ELMO1: variants seen among roughly 807,000 people sequenced by gnomAD.
The protein encoded by ELMO1 is engulfment and cell motility protein 1.
ELMO1 carries 26 observed loss-of-function variants against 98.9 expected under a neutral mutation model. That is an observed-to-expected ratio of 0.26 (90% CI 0.19 to 0.36). The LOEUF (loss-of-function observed/expected upper bound fraction) is 0.36. Among genes scored for constraint, ELMO1 ranks in the 10% least tolerant of loss-of-function variants. The pLI is 1.00. For synonymous variants in ELMO1, 346 were observed against 346.0 expected (o/e 1.00, Z 0.00); for missense variants, 627 against 935.2 (o/e 0.67, Z 4.30).
chr7:37,402,454 T>G (rs891788276), intron 1 of ELMO1, among the ~76,000 whole-genome samples: 1 of 152,152 alleles, frequency 6.6e-6, no homozygotes, highest in Non-Finnish European at 1.5e-5. Context: ...AATGGAAGGA[T>G]AGCTCTTGGT....
intron 7 of ELMO1, among the ~76,000 whole-genome samples, chr7:37,235,940 C>G (rs1794438243): frequency 6.6e-6 from 1 of 152,096 alleles, no homozygotes; most frequent in Non-Finnish European, 1.5e-5. Context: ...AACAAATAAA[C>G]CAATAAACAA....
At chr7:37,039,170 G>A (rs972566758) in intron 15 of ELMO1, among the ~76,000 whole-genome samples, 1 of 152,180 alleles carries the variant, frequency 6.6e-6, no homozygotes, top group Non-Finnish European at 1.5e-5. Context: ...CAACCACATG[G>A]ATGCAAACAG....
chr7:37,431,507 A>C (rs1804932214), intron 1 of ELMO1, among the ~76,000 whole-genome samples: 1 of 152,198 alleles, frequency 6.6e-6, no homozygotes, highest in African/African-American at 2.4e-5. Context: ...CAAAAGTCTA[A>C]TATGAATCAT....
intron 14 of ELMO1, among the ~76,000 whole-genome samples, chr7:37,110,089 C>T (rs1423797862): frequency 6.6e-6 from 1 of 152,232 alleles, no homozygotes; most frequent in East Asian, 1.9e-4. Context: ...AGGCTGGCTG[C>T]TCTTGGTTCC....
intron 2 of ELMO1, among the ~76,000 whole-genome samples, chr7:37,325,453 C>A (rs1442190342): frequency 6.6e-6 from 1 of 152,142 alleles, no homozygotes; most frequent in Admixed American, 6.5e-5. Flanking sequence ...AGGGGAGCAG[C>A]TAAAGACGGA....
chr7:36,931,839 A>C (rs1453618509), intron 16 of ELMO1, among the ~76,000 whole-genome samples: 1 of 152,254 alleles, frequency 6.6e-6, no homozygotes, highest in Admixed American at 6.5e-5. Context: ...GGTATTCCCT[A>C]GCTACAGACT....
chr7:36,965,550 T>C (rs1194025129), intron 16 of ELMO1, among the ~76,000 whole-genome samples: 1 of 152,190 alleles, frequency 6.6e-6, no homozygotes, highest in Non-Finnish European at 1.5e-5. Context: ...GGGTTTTATA[T>C]GTAGGGTTCT....
At chr7:37,126,245 A>G (rs1786506137) in intron 14 of ELMO1, among the ~76,000 whole-genome samples, 1 of 150,566 alleles carries the variant, frequency 6.6e-6, no homozygotes. Flanking sequence ...ATGTATACAT[A>G]TGTAACAAAC....
At chr7:37,387,451 C>T (rs184797427) in intron 1 of ELMO1, among the ~76,000 whole-genome samples, 2 of 152,290 alleles carry the variant, frequency 1.3e-5, no homozygotes, top group African/African-American at 4.8e-5. Context: ...TCTAAATGTC[C>T]CCTTTTTATA....
chr7:37,024,628 G>A (rs185484295), intron 15 of ELMO1, among the ~76,000 whole-genome samples: 1 of 152,232 alleles, frequency 6.6e-6, no homozygotes, highest in East Asian at 1.9e-4. Flanking sequence ...TCCCAACCAA[G>A]TCTGTTCATG....
chr7:37,417,555 T>A (rs1291683632), intron 1 of ELMO1, among the ~76,000 whole-genome samples: 2 of 152,004 alleles, frequency 1.3e-5, no homozygotes, highest in African/African-American at 4.8e-5. Context: ...TCCCAGCTAC[T>A]CGGGAGGCTG....
At chr7:36,965,382 T>C (rs1789330612) in intron 16 of ELMO1, among the ~76,000 whole-genome samples, 1 of 152,150 alleles carries the variant, frequency 6.6e-6, no homozygotes, top group Non-Finnish European at 1.5e-5. Flanking sequence ...TAAAGGCACT[T>C]TTCCCCTAGG....
intron 18 of ELMO1, 137 bp downstream of exon 18, chr7:36,887,423 C>T (rs577783028): frequency 7.3e-5 from 49 of 667,090 alleles, no homozygotes; most frequent in Middle Eastern, 4.3e-4. Flanking sequence ...GAACCAGAAA[C>T]GACCTGGACT....
intron 5 of ELMO1, among the ~76,000 whole-genome samples, chr7:37,264,029 A>G (rs756140692): frequency 5.3e-5 from 8 of 152,230 alleles, no homozygotes; most frequent in Non-Finnish European, 5.9e-5. Context: ...TAGTCATAGG[A>G]TGAAATATCA....
At chr7:37,190,960 G>C (rs71539821) in intron 13 of ELMO1, among the ~76,000 whole-genome samples, 1 of 151,476 alleles carries the variant, frequency 6.6e-6, no homozygotes, top group African/African-American at 2.4e-5. Context: ...AGGCAGAGGC[G>C]GGTGGATCAT....
intron 1 of ELMO1, among the ~76,000 whole-genome samples, chr7:37,400,176 C>T (rs757518742): frequency 3.3e-4 from 50 of 152,114 alleles, no homozygotes; most frequent in Non-Finnish European, 6.3e-4. Flanking sequence ...AAATATAGAA[C>T]ATCAGATAGC....
At chr7:37,390,192 A>C (rs1394340708) in intron 1 of ELMO1, among the ~76,000 whole-genome samples, 1 of 152,186 alleles carries the variant, frequency 6.6e-6, no homozygotes, top group Non-Finnish European at 1.5e-5. Context: ...TCCACCCTAA[A>C]TCTGTATTTT....
At chr7:37,164,991 G>C (rs1258848842) in intron 13 of ELMO1, among the ~76,000 whole-genome samples, 1 of 151,974 alleles carries the variant, frequency 6.6e-6, no homozygotes. Flanking sequence ...TCTTCCATTT[G>C]TTTGTATCCT....
Position 37,233,173 on chromosome 7 carries a change from G to A in ELMO1, c.471C>T (p.Phe157=). The stretch of plus-strand genomic sequence containing the variant: ...TCAGCTCAACGAAGGCCGTCAGGGT[G>A]AAGGACAGCATGTCTCCAAAGCTGA... ...MKPCFGDMLS[F]TLTAFVELMD... Residue 157 remains phenylalanine, a synonymous_variant, in exon 8 of 22, where the codon TTC becomes TTT. Transcript: ENST00000310758. The A allele has an allele frequency of 6.2e-7, 1 of 1,613,640 alleles. No homozygotes were observed. Among genetic ancestry groups the A allele is most frequent in the South Asian group, 1.1e-5 (1 of 91,040 alleles).
Sources: allele counts gnomAD v4.1 joint callset (sites outside exome capture counted in the v4.1 genomes callset), GRCh38; gene constraint gnomAD v4.1.1; transcripts MANE v1.5; gene names NCBI Gene and HGNC (gene_info 2026-07-23, HGNC 2026-07-21).